The following RFWD3 variants were observed in gnomAD, a reference collection of about 807,000 sequenced individuals.
The protein encoded by RFWD3 is E3 ubiquitin-protein ligase RFWD3.
A neutral mutation model predicts 87.7 loss-of-function variants in RFWD3; 65 were observed. The observed-to-expected ratio is 0.74, with a 90% CI of 0.61 to 0.91. The LOEUF is 0.91. RFWD3 is among the 40% of genes least tolerant of loss of function. The pLI is 0.00. For synonymous variants in RFWD3, 433 were observed against 352.8 expected (o/e 1.23, Z -2.55); for missense variants, 1,078 against 938.5 (o/e 1.15, Z -1.94).
chr16:74,629,419 G>T (rs776841919), intron 10 of RFWD3, among the ~76,000 whole-genome samples: 2 of 152,228 alleles, frequency 1.3e-5, no homozygotes, highest in East Asian at 3.8e-4. Flanking sequence ...AGCACTTCGG[G>T]AAGCCGAGGT....
At chr16:74,638,907 T>C (rs570771058) in intron 6 of RFWD3, among the ~76,000 whole-genome samples, 1 of 152,308 alleles carries the variant, frequency 6.6e-6, no homozygotes, top group African/African-American at 2.4e-5. Flanking sequence ...ACTACACACC[T>C]AAGCTATATA....
intron 4 of RFWD3, among the ~76,000 whole-genome samples, chr16:74,645,389 A>G (rs1261883892): frequency 3.3e-5 from 5 of 152,258 alleles, no homozygotes. Context: ...ATGGGAATAC[A>G]TTCTGAGAAA....
Position 74,637,963 on chromosome 16 carries a change from G to C in RFWD3, c.1087C>G (p.Leu363Val). Residue 363 changes from leucine (L) to valine (V), a missense_variant, in exon 7 of 13, where the codon CTG becomes GTG. Leu to Val is a conservative substitution (Grantham distance 32). Transcript: ENST00000361070. ...TGTTTCCTTAGCATCTGTTCCTTCA[G>C]TAGGGAACTAGAGGGGGAAAGCCAG... ...SEQERMKSSL[L>V]KEQMLRKQAE... 2.5e-6 allele frequency: 4 copies of C among 1,608,882 alleles called. No individual in the cohort carries two copies. The highest frequency in any genetic ancestry group is 2.5e-6 in the Non-Finnish European group (3 of 1,177,832).
intron 6 of RFWD3, 81 bp downstream of exon 6, chr16:74,644,281 G>A (rs1959923797): frequency 2.2e-6 from 3 of 1,358,724 alleles, no homozygotes; most frequent in Admixed American, 1.7e-5. Flanking sequence ...CTCACTACGA[G>A]TGACTCATAA....
chr16:74,659,611 A>AC (rs1555528884), intron 2 of RFWD3, among the ~76,000 whole-genome samples: 1 of 151,056 alleles, frequency 6.6e-6, no homozygotes, highest in Admixed American at 6.6e-5. Context: ...CAAAAAAAAA[A>AC]CCCAGAGTAA....
Position 74,652,898 on chromosome 16 carries a change from C to A in RFWD3, c.519-776G>T, listed in dbSNP as rs1033444048. On this transcript the variant is annotated intron_variant, in intron 2 of 12. Transcript: ENST00000361070. ...GTCTTACAATGTTGGCCAAGCTGGT[C>A]TCCAACTCCTGACCTCAAATGATCC... 5.9e-5 allele frequency among the ~76,000 whole-genome samples: 9 copies of A among 152,180 alleles called. 1 individual carries two copies. The highest frequency in any genetic ancestry group is 5.8e-4 in the East Asian group (3 of 5,186).
At chr16:74,624,351 G>A (rs1958856901) in intron 12 of RFWD3, among the ~76,000 whole-genome samples, 1 of 152,174 alleles carries the variant, frequency 6.6e-6, no homozygotes, top group Non-Finnish European at 1.5e-5. Flanking sequence ...TCTAGGGACA[G>A]AAGGGTCAAT....
In RFWD3 at chr16:74,660,993, T is replaced by C. The variant is rs1209859713; in HGVS notation, c.457A>G (p.Arg153Gly). Residue 153 changes from arginine (R) to glycine (G), a missense_variant, in exon 2 of 13, where the codon AGG becomes GGG. Transcript: ENST00000361070. ...NHSVGPMRTR[R>G]RVSASRRARA... is the part of the protein sequence containing the mutation. ...GCCCTCCGTGAAGCAGATACCCTCC[T>C]TCTTGTTCTCATTGGCCCTACACTG... is the stretch of plus-strand genomic sequence containing the variant. 2 of 1,614,140 alleles carry C rather than the reference T, an allele frequency of 1.2e-6. No individual in the cohort carries two copies. The highest frequency in any genetic ancestry group is 1.7e-5 in the Admixed American group (1 of 60,024).
At chr16:74,658,844 T>C (rs548596973) in intron 2 of RFWD3, among the ~76,000 whole-genome samples, 1 of 151,842 alleles carries the variant, frequency 6.6e-6, no homozygotes, top group Admixed American at 6.6e-5. Flanking sequence ...CTTGGCTCAC[T>C]GCAAGCTCCG....
At chr16:74,634,283 G>C (rs1485243955) in intron 8 of RFWD3, among the ~76,000 whole-genome samples, 1 of 151,962 alleles carries the variant, frequency 6.6e-6, no homozygotes, top group Non-Finnish European at 1.5e-5. Context: ...TGAAGTGGGG[G>C]GAAAATAACC....
intron 2 of RFWD3, among the ~76,000 whole-genome samples, chr16:74,656,965 T>C (rs1961032681): frequency 6.6e-6 from 1 of 152,236 alleles, no homozygotes; most frequent in Admixed American, 6.5e-5. Flanking sequence ...ATTGATCTCA[T>C]TCCTAGATTT....
intron 2 of RFWD3, among the ~76,000 whole-genome samples, chr16:74,654,759 C>T (rs1403931627): frequency 6.6e-6 from 1 of 152,154 alleles, no homozygotes; most frequent in Non-Finnish European, 1.5e-5. Context: ...AAATTAAGCG[C>T]TACAACAGCG....
At chr16:74,666,013 CTCTTTA>C (rs201326662) in intron 1 of RFWD3, among the ~76,000 whole-genome samples, 2,129 of 151,920 alleles carry the variant, frequency 0.014, 20 homozygotes, top group Non-Finnish European at 0.024. Context: ...ACACCTTTTT[CTCTTTA>C]TAACAGGAAA....
intron 2 of RFWD3, among the ~76,000 whole-genome samples, chr16:74,655,022 C>T (rs1960851773): frequency 6.6e-6 from 1 of 152,212 alleles, no homozygotes; most frequent in Non-Finnish European, 1.5e-5. Context: ...CAAGCGCTGA[C>T]ATTGAAACTG....
chr16:74,632,704 C>T (rs1410174958), intron 8 of RFWD3, 31 bp from the exon 9 acceptor site: 2 of 1,609,018 alleles, frequency 1.2e-6, no homozygotes, highest in Non-Finnish European at 8.5e-7. Flanking sequence ...TGAAATAGAT[C>T]ACTGAAAGTG....
intron 4 of RFWD3, 94 bp downstream of exon 4, chr16:74,649,038 C>T (rs935938459): frequency 8.9e-5 from 63 of 711,550 alleles, no homozygotes; most frequent in Non-Finnish European, 1.2e-4. Flanking sequence ...GTTATGACTG[C>T]ACCACTGCAC....
In RFWD3 at chr16:74,630,932, T is replaced by C; in HGVS notation, c.1603A>G (p.Thr535Ala). Residue 535 changes from threonine to alanine, a missense_variant, in exon 10 of 13, where the codon ACT (threonine) becomes GCT (alanine). Transcript: ENST00000361070. The part of the protein sequence containing the change: ...TSLETNTVVQ[T>A]YNAGRPVWSC... ...CAGACAGGACGTCCAGCATTATAAG[T>C]CTGGACCACGGTATTTGTCTCCAGG... 1 of 1,612,274 alleles carries C rather than the reference T, an allele frequency of 6.2e-7. No individual in the cohort carries two copies. Among genetic ancestry groups the C allele is most frequent in the Non-Finnish European group, 8.5e-7 (1 of 1,179,570 alleles).
rs1959933891 is a variant in RFWD3, at chr16:74,644,386, G to A, written c.1055C>T (p.Thr352Ile). 1.2e-6 allele frequency: 2 copies of A among 1,614,162 alleles called. No homozygotes were observed. Among genetic ancestry groups the A allele is most frequent in the African/African-American group, 1.3e-5 (1 of 75,034 alleles). ...CCTTTTCATGCGCTCCTGTTCACTA[G>A]TGTCCAAAGCTCTCAGGGTTCGGGC... Reference protein sequence around the residue: ...LYARTLRALDTSEQERMKSSL... With the variant: ...LYARTLRALDISEQERMKSSL... The change falls in exon 6 of 13, where the codon ACT becomes ATT. Residue 352 changes from threonine (T) to isoleucine (I), a missense_variant. By Grantham distance (89) the Thr-to-Ile change is moderately conservative. Coordinates refer to ENST00000361070, the MANE Select transcript of RFWD3 (RefSeq NM_018124.4).
At chr16:74,635,331 G>A (rs112214347) in intron 8 of RFWD3, among the ~76,000 whole-genome samples, 152 of 151,910 alleles carry the variant, frequency 1.0e-3, no homozygotes, top group African/African-American at 3.4e-3. Flanking sequence ...ACTAGGCATG[G>A]TGGCATGCAC....
Sources: allele counts gnomAD v4.1 joint callset (sites outside exome capture counted in the v4.1 genomes callset), GRCh38; gene constraint gnomAD v4.1.1; transcripts MANE v1.5; gene names NCBI Gene and HGNC (gene_info 2026-07-23, HGNC 2026-07-21).